Variants in SOX5 observed in about 807,000 individuals in gnomAD.
SOX5 encodes the protein SRY-box transcription factor 5.
In SOX5, 9 loss-of-function variants were observed where a neutral mutation model predicts 92.0. That is an observed-to-expected ratio of 0.10 (90% confidence interval 0.06 to 0.17). SOX5 has a LOEUF of 0.17. Among genes scored for constraint, SOX5 ranks in the 10% least tolerant of loss-of-function variants. The pLI is 1.00. For missense variants in SOX5, 642 were observed against 944.5 expected (o/e 0.68, Z 4.20); for synonymous variants, 344 against 336.3 (o/e 1.02, Z -0.25).
chr12:24,051,661 A>G (rs1957574467), intron 4 of SOX5, among the ~76,000 whole-genome samples: 1 of 152,358 alleles, frequency 6.6e-6, no homozygotes, highest in South Asian at 2.1e-4. Context: ...TTTGTTTAGT[A>G]TAAGTTAGGA....
chr12:24,159,343 A>T (rs1952519347), intron 4 of SOX5, among the ~76,000 whole-genome samples: 1 of 151,978 alleles, frequency 6.6e-6, no homozygotes, highest in Non-Finnish European at 1.5e-5. Context: ...CATAAATATT[A>T]CAAATTCAAC....
chr12:24,007,132 C>CAAAAA (rs377717275), intron 4 of SOX5, among the ~76,000 whole-genome samples: 2 of 24,680 alleles, frequency 8.1e-5, no homozygotes, highest in East Asian at 3.8e-3. Context: ...GACTCCATCT[C>CAAAAA]AAAAAAAAAT....
chr12:23,961,639 T>TG (rs1215371772), intron 4 of SOX5, among the ~76,000 whole-genome samples: 1 of 152,214 alleles, frequency 6.6e-6, no homozygotes, highest in Non-Finnish European at 1.5e-5. Flanking sequence ...ACTCTTCTTC[T>TG]GTAACACCCA....
chr12:24,530,522 G>A (rs575920925), intron 1 of SOX5, among the ~76,000 whole-genome samples: 10 of 152,120 alleles, frequency 6.6e-5, no homozygotes, highest in East Asian at 1.9e-4. Flanking sequence ...CTGTGCTGGC[G>A]TGCACCTGTA....
At chr12:24,028,297 A>C (rs973051897) in intron 4 of SOX5, among the ~76,000 whole-genome samples, 1 of 152,020 alleles carries the variant, frequency 6.6e-6, no homozygotes, top group Non-Finnish European at 1.5e-5. Flanking sequence ...CCAGCACAGC[A>C]CAGTGCCTGT....
chr12:23,831,903 G>C (rs950814578), intron 3 of SOX5, among the ~76,000 whole-genome samples: 2 of 148,796 alleles, frequency 1.3e-5, no homozygotes, highest in Admixed American at 6.8e-5. Flanking sequence ...GAAGAACACT[G>C]ACAGATACAG....
At chr12:24,278,068 C>G (rs928835793) in intron 2 of SOX5, among the ~76,000 whole-genome samples, 10 of 152,162 alleles carry the variant, frequency 6.6e-5, no homozygotes, top group African/African-American at 1.9e-4. Flanking sequence ...AGCAAGGAAC[C>G]TGTACACGGT....
intron 1 of SOX5, among the ~76,000 whole-genome samples, chr12:24,414,127 T>A (rs1415392019): frequency 6.6e-6 from 1 of 152,120 alleles, no homozygotes; most frequent in Non-Finnish European, 1.5e-5. Flanking sequence ...AATAATAGAG[T>A]TTCATTTACT....
chr12:23,952,975 T>C (rs1270712115), upstream of SOX5, among the ~76,000 whole-genome samples: 1 of 152,150 alleles, frequency 6.6e-6, no homozygotes, highest in East Asian at 1.9e-4. Flanking sequence ...AATCCCAAGA[T>C]GGTACTCATA....
chr12:24,189,937 A>G (rs1956363906), intron 4 of SOX5, among the ~76,000 whole-genome samples: 2 of 152,198 alleles, frequency 1.3e-5, no homozygotes, highest in South Asian at 4.1e-4. Flanking sequence ...CAATAGGGGA[A>G]GAAGGGCTTC....
intron 1 of SOX5, among the ~76,000 whole-genome samples, chr12:24,414,178 T>C (rs912743041): frequency 6.6e-6 from 1 of 152,206 alleles, no homozygotes; most frequent in African/African-American, 2.4e-5. Context: ...TTTTTACTCA[T>C]CTCTTTTCTC....
intron 8 of SOX5, among the ~76,000 whole-genome samples, chr12:23,618,269 T>C (rs2076801553): frequency 6.6e-6 from 1 of 152,238 alleles, no homozygotes; most frequent in South Asian, 2.1e-4. Context: ...GAAAAATTTC[T>C]GTGGTTACTA....
chr12:23,654,239 CTCTTT>C (rs908896132), intron 7 of SOX5, among the ~76,000 whole-genome samples: 4 of 152,034 alleles, frequency 2.6e-5, no homozygotes, highest in African/African-American at 9.7e-5. Context: ...ATAAAATAAT[CTCTTT>C]TAACATATTT....
chr12:24,485,212 A>G (rs1946398152), intron 1 of SOX5, among the ~76,000 whole-genome samples: 1 of 152,228 alleles, frequency 6.6e-6, no homozygotes, highest in East Asian at 1.9e-4. Flanking sequence ...ATCCCAACAA[A>G]TAATAATGAA....
chr12:23,949,376 A>G (rs559882645), intron 1 of SOX5, among the ~76,000 whole-genome samples, 188 bp downstream of exon 1: 1 of 152,240 alleles, frequency 6.6e-6, no homozygotes, highest in African/African-American at 2.4e-5. Context: ...AATCTCGGAG[A>G]CTTTGCAAAT....
intron 3 of SOX5, among the ~76,000 whole-genome samples, chr12:23,756,378 T>C (rs1302033989): frequency 6.6e-6 from 1 of 151,924 alleles, no homozygotes; most frequent in African/African-American, 2.4e-5. Flanking sequence ...ATGCCCTGTA[T>C]TCAGACAGGG....
chr12:23,963,278 G>A (rs1227017020), intron 4 of SOX5, among the ~76,000 whole-genome samples: 1 of 152,132 alleles, frequency 6.6e-6, no homozygotes, highest in Non-Finnish European at 1.5e-5. Flanking sequence ...GGAGAATATA[G>A]GAAATGCTGC....
chr12:24,500,974 A>G (rs1280908516), intron 1 of SOX5, among the ~76,000 whole-genome samples: 2 of 152,198 alleles, frequency 1.3e-5, no homozygotes, highest in African/African-American at 4.8e-5. Flanking sequence ...CTCAGCAGCA[A>G]CAGGATGTGC....
chr12:24,398,027 T>C (rs112838906), intron 1 of SOX5, among the ~76,000 whole-genome samples: 5,491 of 152,008 alleles, frequency 0.036, 301 homozygotes, highest in African/African-American at 0.12. Flanking sequence ...TTTTTTTGTA[T>C]TTTTAGTAGA....
Sources: allele counts gnomAD v4.1 joint callset (sites outside exome capture counted in the v4.1 genomes callset), GRCh38; gene constraint gnomAD v4.1.1; transcripts MANE v1.5; gene names NCBI Gene and HGNC (gene_info 2026-07-23, HGNC 2026-07-21).